The following C2orf74 variants were observed in gnomAD, a reference collection of about 807,000 sequenced individuals.
C2orf74 encodes uncharacterized protein C2orf74.
Under a neutral mutation model 17.9 loss-of-function variants are expected in C2orf74, and 14 were observed. The ratio of observed to expected loss-of-function variants is 0.78; its 90% CI spans 0.52 to 1.22. The LOEUF is 1.22. C2orf74 is among the 50% of genes most tolerant of loss of function. C2orf74 has a pLI of 0.00. For synonymous variants in C2orf74, 79 were observed against 72.6 expected, an observed-to-expected ratio of 1.09 and a Z score of -0.44; for missense variants, 217 against 218.4, an observed-to-expected ratio of 0.99 and a Z score of 0.04.
intron 4 of C2orf74, 27 bp downstream of exon 4, chr2:61,163,259 G>C: frequency 6.5e-7 from 1 of 1,542,414 alleles, no homozygotes; most frequent in Non-Finnish European, 8.7e-7. Context: ...CTCTCAAAGA[G>C]CAGTTTAGAA....
chr2:61,145,887 T>C (rs989878268), intron 1 of C2orf74, among the ~76,000 whole-genome samples: 4 of 152,156 alleles, frequency 2.6e-5, no homozygotes, highest in African/African-American at 9.7e-5. Flanking sequence ...TTGGTGAACA[T>C]TGAAACGTTT....
chr2:61,159,333 G>A (rs780800375), upstream of C2orf74: 66 of 370,554 alleles, frequency 1.8e-4, no homozygotes, highest in Non-Finnish European at 3.1e-4. Context: ...GTCTCGCTCT[G>A]TTGCCTAGGC....
At chr2:61,151,992 C>T (rs1388683942) in intron 1 of C2orf74, 1 of 152,354 alleles carries the variant, frequency 6.6e-6, no homozygotes, top group Non-Finnish European at 1.5e-5. Flanking sequence ...GGCATTTAAA[C>T]CATGAAGCTT....
upstream of C2orf74, chr2:61,157,920 C>T (rs911718184): frequency 2.8e-5 from 13 of 471,176 alleles, no homozygotes; most frequent in Non-Finnish European, 5.7e-5. Flanking sequence ...TTCACGTATG[C>T]CCTGGACCAT....
chr2:61,156,304 G>C (rs1043866228), intron 1 of C2orf74, among the ~76,000 whole-genome samples: 2 of 151,474 alleles, frequency 1.3e-5, no homozygotes, highest in African/African-American at 4.9e-5. Flanking sequence ...TTGGGAGGGT[G>C]AGGCAGGCGG....
upstream of C2orf74, chr2:61,159,370 C>T (rs1251651685): frequency 6.3e-6 from 2 of 318,672 alleles, no homozygotes; most frequent in Non-Finnish European, 1.2e-5. Flanking sequence ...GATCTCAGCT[C>T]ACTGCAACCT....
chr2:61,150,123 T>A (rs1315564618), intron 1 of C2orf74, among the ~76,000 whole-genome samples: 1 of 152,184 alleles, frequency 6.6e-6, no homozygotes, highest in Admixed American at 6.5e-5. Flanking sequence ...GGCCAGGTGC[T>A]GAGGGTTGGT....
At position 61,162,407 on chromosome 2, in the gene C2orf74, T is replaced by G; in HGVS notation, c.-99-9T>G. On this transcript the variant is annotated splice_polypyrimidine_tract_variant and intron_variant, in intron 1 of 4. Coordinates refer to ENST00000432605, the MANE Select transcript of C2orf74 (RefSeq NM_001143959.4). ...CAAAGAAAACAGCTTTTTATTCCTC[T>G]GTTTCTAGAAAACTTAAAGAACAAG... 1.2e-6 allele frequency: 1 copy of G among 813,444 alleles called. No individual in the cohort carries two copies. Among genetic ancestry groups the G allele is most frequent in the Non-Finnish European group, 2.0e-6 (1 of 507,874 alleles). The allele number at this position is 813,444 out of a possible 1,614,324, so 50.4% of individuals were successfully genotyped here.
chr2:61,156,329 G>A (rs541079789), intron 1 of C2orf74, among the ~76,000 whole-genome samples: 2 of 152,046 alleles, frequency 1.3e-5, no homozygotes, highest in African/African-American at 2.4e-5. Flanking sequence ...CTTGAGCCCA[G>A]GAGTTCAAGA....
At chr2:61,156,804 G>C (rs558161514) in intron 1 of C2orf74, among the ~76,000 whole-genome samples, 1 of 152,184 alleles carries the variant, frequency 6.6e-6, no homozygotes, top group Non-Finnish European at 1.5e-5. Flanking sequence ...AGGATTGCTT[G>C]AGCCCAGGAG....
In C2orf74 at chr2:61,163,071, A is replaced by G. The variant is rs981533855; in HGVS notation, c.229A>G (p.Asn77Asp). Residue 77 changes from asparagine (N) to aspartate (D), a missense_variant, in exon 4 of 5, where the codon AAC becomes GAC. Physicochemically the swap from Asn to Asp is conservative, Grantham distance 23. Coordinates refer to ENST00000432605, the MANE Select transcript of C2orf74 (RefSeq NM_001143959.4). ...DHERILMQVMNLNVPMRPGIL... is the reference protein window; with the variant it reads ...DHERILMQVMDLNVPMRPGIL... ...TTCTAGGATCTTAATGCAAGTCATG[A>G]ACTTGAATGTGCCGATGAGGCCTGG... 1 of 1,552,016 alleles carries G rather than the reference A, an allele frequency of 6.4e-7. No individual in the cohort carries two copies. Among genetic ancestry groups the G allele is most frequent in the African/African-American group, 1.4e-5 (1 of 73,036 alleles).
At chr2:61,145,664 C>T (rs891335271) in intron 1 of C2orf74, among the ~76,000 whole-genome samples, 1 of 152,144 alleles carries the variant, frequency 6.6e-6, no homozygotes, top group African/African-American at 2.4e-5. Context: ...CTCAGGTTAT[C>T]GGCCTGCCTC....
At chr2:61,150,973 T>TA (rs1287449328) in intron 1 of C2orf74, among the ~76,000 whole-genome samples, 30 of 152,190 alleles carry the variant, frequency 2.0e-4, no homozygotes, top group African/African-American at 6.7e-4. Context: ...TTGCTTTCAC[T>TA]AAGAATTGGC....
At chr2:61,154,411 G>A (rs752830789) in intron 1 of C2orf74, among the ~76,000 whole-genome samples, 6 of 152,108 alleles carry the variant, frequency 3.9e-5, no homozygotes, top group Non-Finnish European at 8.8e-5. Flanking sequence ...TTGTAATATA[G>A]TGTCCTGAAT....
intron 1 of C2orf74, among the ~76,000 whole-genome samples, chr2:61,151,282 C>G (rs1685219842): frequency 7.0e-6 from 1 of 143,814 alleles, no homozygotes; most frequent in Non-Finnish European, 1.5e-5. Flanking sequence ...CACCACTGCA[C>G]TCTAGCCTGG....
At chr2:61,160,572 G>A (rs1212249048), upstream of C2orf74, among the ~76,000 whole-genome samples, 4 of 150,886 alleles carry the variant, frequency 2.7e-5, no homozygotes, top group Non-Finnish European at 5.9e-5. Context: ...GCAATGGCAC[G>A]ATCTTGGCTC....
chr2:61,158,724 G>T (rs1429227520), upstream of C2orf74, among the ~76,000 whole-genome samples: 1 of 152,174 alleles, frequency 6.6e-6, no homozygotes, highest in Non-Finnish European at 1.5e-5. Flanking sequence ...AAGCAGTCAG[G>T]ATGGGGAGTC....
At chr2:61,159,659 ATT>A (rs1685504801), upstream of C2orf74, among the ~76,000 whole-genome samples, 1 of 152,238 alleles carries the variant, frequency 6.6e-6, no homozygotes, top group African/African-American at 2.4e-5. Context: ...GGGGTAGAAC[ATT>A]CACAGTGGGG....
In C2orf74 at chr2:61,164,564, G is replaced by A. The variant is rs1005881256; in HGVS notation, c.*37G>A. Reference sequence around the variant, plus strand: ...GGGTAAGAGTGAAAGAAAATGTAACGTTTGACTAACGTTGAAAGACTGAGG... The same window carrying A: ...GGGTAAGAGTGAAAGAAAATGTAACATTTGACTAACGTTGAAAGACTGAGG... On this transcript the variant is annotated 3_prime_UTR_variant, in exon 5 of 5. Coordinates refer to ENST00000432605, the MANE Select transcript of C2orf74 (RefSeq NM_001143959.4). 7 of 1,435,310 alleles carry A rather than the reference G, an allele frequency of 4.9e-6. No homozygotes were observed. The highest frequency in any genetic ancestry group is 2.6e-5 in the East Asian group (1 of 38,030). 88.9% of individuals were successfully genotyped at this position (1,435,310 alleles called of 1,614,324 possible).
Sources: gnomAD v4.1 joint callset for allele counts (sites outside exome capture counted in the v4.1 genomes callset) on GRCh38, gnomAD v4.1.1 for gene constraint, MANE v1.5 for transcripts, NCBI Gene and HGNC (gene_info 2026-07-23, HGNC 2026-07-21) for gene names.